Variants in CALN1 observed in about 807,000 individuals in gnomAD.
CALN1 encodes calcium-binding protein 8.
A neutral mutation model predicts 30.6 loss-of-function variants in CALN1; 17 were observed. That is an observed-to-expected ratio of 0.56 (90% CI 0.38 to 0.83). The LOEUF (loss-of-function observed/expected upper bound fraction) is 0.83. CALN1 is among the 40% of genes least tolerant of loss of function. The pLI is 0.00. For synonymous variants in CALN1, 156 were observed against 131.4 expected (o/e 1.19, Z -1.28); for missense variants, 291 against 354.9 (o/e 0.82, Z 1.45).
At chr7:72,160,470 G>A (rs986323956) in intron 3 of CALN1, among the ~76,000 whole-genome samples, 3 of 151,716 alleles carry the variant, frequency 2.0e-5, no homozygotes, top group Non-Finnish European at 4.4e-5. Context: ...GTAGAGATGG[G>A]GTTTCACCAT....
intron 5 of CALN1, among the ~76,000 whole-genome samples, chr7:71,868,962 T>C (rs775201594): frequency 1.2e-4 from 19 of 152,206 alleles, no homozygotes; most frequent in Non-Finnish European, 1.9e-4. Flanking sequence ...CTGGCTCAGC[T>C]GACCAAACTG....
chr7:72,238,361 C>A (rs112285932), intron 3 of CALN1, among the ~76,000 whole-genome samples: 3 of 152,134 alleles, frequency 2.0e-5, no homozygotes, highest in African/African-American at 4.8e-5. Context: ...CCTAGAAATT[C>A]ATGGTATAAT....
intron 5 of CALN1, among the ~76,000 whole-genome samples, chr7:71,875,935 T>G (rs771296465): frequency 6.6e-6 from 1 of 152,276 alleles, no homozygotes; most frequent in East Asian, 1.9e-4. Flanking sequence ...TCCCTGACCA[T>G]GAGCACAAGT....
intron 5 of CALN1, among the ~76,000 whole-genome samples, chr7:71,977,546 G>T (rs1323745576): frequency 1.3e-5 from 2 of 152,174 alleles, no homozygotes; most frequent in Admixed American, 1.3e-4. Flanking sequence ...AGGGGCTAGT[G>T]CCTGGCACTC....
At chr7:72,298,268 G>C (rs1275057538) in intron 2 of CALN1, among the ~76,000 whole-genome samples, 1 of 152,154 alleles carries the variant, frequency 6.6e-6, no homozygotes, top group Non-Finnish European at 1.5e-5. Flanking sequence ...ATTCACTTAA[G>C]AACTTTGCCC....
At chr7:71,943,399 A>T (rs946174710) in intron 5 of CALN1, among the ~76,000 whole-genome samples, 7 of 152,144 alleles carry the variant, frequency 4.6e-5, no homozygotes, top group Non-Finnish European at 7.3e-5. Context: ...TACTTCACAT[A>T]TCCATGCCTC....
intron 2 of CALN1, among the ~76,000 whole-genome samples, chr7:72,319,774 G>C (rs144508763): frequency 5.3e-5 from 8 of 152,168 alleles, no homozygotes; most frequent in East Asian, 1.9e-4. Context: ...TGAAGGCAAG[G>C]GGGGTGGGCC....
At chr7:72,146,491 T>C (rs530641230) in intron 3 of CALN1, among the ~76,000 whole-genome samples, 2 of 152,160 alleles carry the variant, frequency 1.3e-5, no homozygotes, top group African/African-American at 2.4e-5. Flanking sequence ...TGGAAGAACA[T>C]TCCATGCTCA....
chr7:72,476,315 T>C, the CALN1 span, among the ~76,000 whole-genome samples: 326 of 152,302 alleles, frequency 2.1e-3, 1 homozygote, highest in African/African-American at 7.7e-3. Context: ...CTTTGCTTTC[T>C]GCCATGATTG....
intron 3 of CALN1, among the ~76,000 whole-genome samples, chr7:72,266,504 T>A (rs1434384092): frequency 1.3e-5 from 2 of 152,224 alleles, no homozygotes; most frequent in Non-Finnish European, 1.5e-5. Flanking sequence ...GTCATGCACA[T>A]TCCGAGCCAA....
chr7:71,952,184 AC>A (rs1484498299), intron 5 of CALN1, among the ~76,000 whole-genome samples: 1 of 152,186 alleles, frequency 6.6e-6, no homozygotes, highest in Non-Finnish European at 1.5e-5. Context: ...TGGATATGCG[AC>A]CTGCAACTGC....
chr7:71,890,329 T>C (rs1364890028), intron 5 of CALN1, among the ~76,000 whole-genome samples: 1 of 152,182 alleles, frequency 6.6e-6, no homozygotes, highest in Non-Finnish European at 1.5e-5. Context: ...AAATGGTGCC[T>C]TGGAAGTTGC....
At chr7:72,445,094 AC>A (rs1457170909) in intron 1 of CALN1, among the ~76,000 whole-genome samples, 2 of 133,576 alleles carry the variant, frequency 1.5e-5, no homozygotes, top group African/African-American at 5.4e-5. Flanking sequence ...ACACACACAC[AC>A]ACACACACAC....
chr7:71,809,875 T>C (rs1787842512), intron 6 of CALN1, among the ~76,000 whole-genome samples: 1 of 151,988 alleles, frequency 6.6e-6, no homozygotes. Context: ...GGTCATCCAT[T>C]CCTAAGAATT....
chr7:71,938,221 C>T (rs1795947391), intron 5 of CALN1, among the ~76,000 whole-genome samples: 1 of 152,192 alleles, frequency 6.6e-6, no homozygotes, highest in Non-Finnish European at 1.5e-5. Context: ...TGTGCCTACC[C>T]TGCCCAGAAA....
At chr7:71,987,210 G>A (rs1212405388) in intron 5 of CALN1, among the ~76,000 whole-genome samples, 1 of 152,148 alleles carries the variant, frequency 6.6e-6, no homozygotes, top group East Asian at 1.9e-4. Context: ...TTCTCTGATG[G>A]GATACATTTT....
chr7:72,381,657 G>A (rs373565417), intron 2 of CALN1, among the ~76,000 whole-genome samples: 9 of 152,124 alleles, frequency 5.9e-5, no homozygotes, highest in Non-Finnish European at 8.8e-5. Context: ...TAATGAGAAC[G>A]TATGGAAACA....
chr7:71,790,644 C>T (rs140558534), intron 6 of CALN1, among the ~76,000 whole-genome samples: 98 of 152,348 alleles, frequency 6.4e-4, no homozygotes, highest in African/African-American at 2.3e-3. Flanking sequence ...CCACCTACTC[C>T]AGAGCAACTG....
intron 2 of CALN1, among the ~76,000 whole-genome samples, chr7:72,356,435 T>C (rs1247794826): frequency 6.6e-6 from 1 of 151,980 alleles, no homozygotes; most frequent in Non-Finnish European, 1.5e-5. Flanking sequence ...TCCTTGCAAC[T>C]TTAGATACAA....
Sources: gnomAD v4.1 joint callset for allele counts (sites outside exome capture counted in the v4.1 genomes callset) on GRCh38, gnomAD v4.1.1 for gene constraint, MANE v1.5 for transcripts, NCBI Gene and HGNC (gene_info 2026-07-23, HGNC 2026-07-21) for gene names.